The following KCNQ2 variants were observed in gnomAD, a reference collection of about 807,000 sequenced individuals.
The protein encoded by KCNQ2 is potassium voltage-gated channel subfamily Q member 2.
Under a neutral mutation model 84.8 loss-of-function variants are expected in KCNQ2, and 14 were observed. That is an observed-to-expected ratio of 0.17 (90% CI 0.11 to 0.26). KCNQ2 has a LOEUF of 0.26. Ranked by LOEUF, KCNQ2 falls within the 10% of genes least tolerant of loss-of-function variation. The pLI, the probability that KCNQ2 is intolerant of heterozygous loss-of-function variation, is 1.00. For synonymous variants in KCNQ2, 599 were observed against 554.1 expected (o/e 1.08, Z -1.14); for missense variants, 788 against 1,254.0 (o/e 0.63, Z 5.61).
At position 63,407,143 on chromosome 20, in the gene KCNQ2, G is replaced by T; in HGVS notation, c.2120C>A (p.Ala707Glu). 1 of 1,573,642 alleles carries T rather than the reference G, an allele frequency of 6.4e-7. No homozygotes were observed. The highest frequency in any genetic ancestry group is 1.3e-5 in the African/African-American group (1 of 74,238). Residue 707 changes from alanine to glutamate, a missense_variant, in exon 17 of 17, where the codon GCG (alanine) becomes GAG (glutamate). By Grantham distance (107) the Ala-to-Glu change is moderately radical. Around this residue, in one of 8 missense-constraint regions of KCNQ2, gnomAD observed 378 missense variants for 434.5 expected, o/e 0.87. Coordinates refer to ENST00000359125, the MANE Select transcript of KCNQ2 (RefSeq NM_172107.4). This position sits in a 1 kb window ranked among gnomAD's most constrained non-coding sequence, Gnocchi z 7.2. ...GQKNFSAPPA[A>E]PPVQCPPSTS... is the part of the protein sequence containing the mutation. ...GGAGGGCGGACACTGGACAGGGGGC[G>T]CGGCCGGGGGCGCCGAGAAGTTCTT...
intron 6 of KCNQ2, among the ~76,000 whole-genome samples, chr20:63,439,222 G>A (rs940863424): frequency 6.6e-6 from 1 of 152,188 alleles, no homozygotes; most frequent in Non-Finnish European, 1.5e-5. Context: ...ACCTCCCTCT[G>A]AGCTGGGTGG....
intron 8 of KCNQ2, among the ~76,000 whole-genome samples, chr20:63,432,554 C>T (rs372985404): frequency 8.9e-5 from 13 of 145,914 alleles, no homozygotes; most frequent in African/African-American, 2.6e-4. Flanking sequence ...AAGGCCCCAC[C>T]CTCAGGGAAG....
At chr20:63,461,175 G>C (rs375069499) in intron 1 of KCNQ2, 1 of 152,192 alleles carries the variant, frequency 6.6e-6, no homozygotes, top group East Asian at 1.9e-4. Context: ...TAAGAAACGA[G>C]GGCGGCAGGG....
intron 4 of KCNQ2, 144 bp downstream of exon 4, chr20:63,444,515 A>T (rs2081353205): frequency 3.7e-6 from 2 of 547,594 alleles, no homozygotes; most frequent in Non-Finnish European, 5.8e-6. Context: ...TTCACACCTG[A>T]TGGGCTCCAG....
At position 63,428,535 on chromosome 20, in the gene KCNQ2, T is replaced by A. The variant is rs1040186220; in HGVS notation, c.1149-100A>T. On this transcript the variant is annotated intron_variant, in intron 9 of 16. Transcript: ENST00000359125. ...GCTCCATGGGCAGGCGCCTGCAGTG[T>A]CAGACACCCGGCGGCATGTGACGTG... The A allele has an allele frequency of 1.8e-5, 19 of 1,027,326 alleles. No homozygotes were observed. The Admixed American group carries it at 3.8e-4, about 21-fold the overall frequency. 63.6% of individuals were successfully genotyped at this position (1,027,326 alleles called of 1,614,324 possible). A position where few individuals can be genotyped will look rare whatever the true frequency, so the allele number is the denominator to read the frequency against.
At chr20:63,409,397 G>A (rs931745365) in intron 15 of KCNQ2, among the ~76,000 whole-genome samples, 1 of 152,258 alleles carries the variant, frequency 6.6e-6, no homozygotes, top group Non-Finnish European at 1.5e-5. Flanking sequence ...CAATAAGAAG[G>A]GAGGGAGGCT....
Position 63,446,611 on chromosome 20 carries a change from C to G in KCNQ2, c.387+136G>C. The G allele has an allele frequency of 2.7e-6, 2 of 748,058 alleles. No homozygotes were observed. 46.3% of individuals were successfully genotyped at this position (748,058 alleles called of 1,614,324 possible). On this transcript the variant is annotated intron_variant, in intron 2 of 16. Transcript: ENST00000359125. The surrounding 1 kb of genome is among the most constrained non-coding windows in gnomAD (Gnocchi z 5.5). ...GGGGCTGGGGGCAGATGGGAACTGA[C>G]AGGGCACAAAGACATGGCCAGAGCT...
chr20:63,459,690 C>T (rs911866936), intron 1 of KCNQ2, among the ~76,000 whole-genome samples: 5 of 152,140 alleles, frequency 3.3e-5, no homozygotes, highest in Non-Finnish European at 5.9e-5. Flanking sequence ...CCACTCTAAA[C>T]GCCTCTGAAT....
At chr20:63,412,193 C>T (rs1021191724) in intron 15 of KCNQ2, 4 of 301,432 alleles carry the variant, frequency 1.3e-5, no homozygotes, top group Admixed American at 5.0e-5. Context: ...AGACAGGCCG[C>T]GGCGGGGCAA....
At chr20:63,412,456 G>C (rs1215232912) in intron 15 of KCNQ2, among the ~76,000 whole-genome samples, 2 of 152,240 alleles carry the variant, frequency 1.3e-5, no homozygotes, top group African/African-American at 2.4e-5. Context: ...AGGACGCTGG[G>C]AAAGAGGCCT....
Position 63,432,124 on chromosome 20 carries a change from TCAGGGAAGGATCCACCCA to T in KCNQ2, c.1119-773_1119-756del, listed in dbSNP as rs1568912742. Among the ~76,000 whole-genome samples the T allele has an allele frequency of 3.5e-4, 23 of 65,502 alleles. 1 individual carries two copies. The East Asian group carries it at 5.7e-3, about 16-fold the overall frequency. 43.0% of individuals were successfully genotyped at this position (65,502 alleles called of 152,430 possible). ...CCCACCCTCAGGGAAGGCCCCACCCTCAGGGAAGGATCCACCCACAGGGAAGGCCCCACCCTCAGGGAA... is the reference window on the plus strand; with the variant it reads ...CCCACCCTCAGGGAAGGCCCCACCCTCAGGGAAGGCCCCACCCTCAGGGAA... On this transcript the variant is annotated intron_variant, in intron 8 of 16. Coordinates refer to ENST00000359125, the MANE Select transcript of KCNQ2 (RefSeq NM_172107.4).
At chr20:63,441,391 G>A (rs544021964) in intron 5 of KCNQ2, among the ~76,000 whole-genome samples, 13 of 152,162 alleles carry the variant, frequency 8.5e-5, no homozygotes, top group Non-Finnish European at 1.3e-4. Flanking sequence ...CGCATCCGCT[G>A]CAGAGGGACC....
chr20:63,456,797 TG>T (rs969582525), intron 1 of KCNQ2, among the ~76,000 whole-genome samples: 1 of 152,170 alleles, frequency 6.6e-6, no homozygotes, highest in Non-Finnish European at 1.5e-5. Context: ...CAGGGGGTCC[TG>T]GGGGGTCCCA....
chr20:63,467,625 G>C (rs2082114766), intron 1 of KCNQ2, among the ~76,000 whole-genome samples: 1 of 152,220 alleles, frequency 6.6e-6, no homozygotes, highest in African/African-American at 2.4e-5. Context: ...GGACGTGTCA[G>C]GAGCACAGGG....
chr20:63,441,881 G>A (rs11907614), intron 5 of KCNQ2, among the ~76,000 whole-genome samples: 84,163 of 152,158 alleles, frequency 0.55, 23,560 homozygotes, highest in African/African-American at 0.63. Context: ...GGCTAGGCCC[G>A]GGGTCTGGTC....
In KCNQ2 at chr20:63,439,722, G is replaced by A. The variant is rs2081104520; in HGVS notation, c.817-14C>T. 2 of 1,591,476 alleles carry A rather than the reference G, an allele frequency of 1.3e-6. No individual in the cohort carries two copies. The highest frequency in any genetic ancestry group is 1.7e-6 in the Non-Finnish European group (2 of 1,159,898). ...GGTCAGCGTGATCTGTGGGACCGCA[G>A]GCTCTAGTCACACGAAGGGCCTGCT... is the stretch of plus-strand genomic sequence containing the variant. On this transcript the variant is annotated splice_polypyrimidine_tract_variant and intron_variant, in intron 5 of 16. Transcript: ENST00000359125.
Position 63,406,348 on chromosome 20 carries a change from C to T in KCNQ2, c.*296G>A, listed in dbSNP as rs1323866017. ...TCATCACTCCCGCCCCTCCTCACAC[C>T]GGGCTGATGTCGGCCGCGGCCCTGA... On this transcript the variant is annotated 3_prime_UTR_variant, in exon 17 of 17. Coordinates refer to ENST00000359125, the MANE Select transcript of KCNQ2 (RefSeq NM_172107.4). The T allele has an allele frequency of 2.4e-5, 10 of 408,584 alleles. No individual in the cohort carries two copies. The highest frequency in any genetic ancestry group is 1.0e-4 in the African/African-American group (5 of 49,850). The allele number at this position is 408,584 out of a possible 1,614,324, so 25.3% of individuals were successfully genotyped here.
At chr20:63,432,826 T>TCAGGGAAGG (rs2080865969) in intron 8 of KCNQ2, among the ~76,000 whole-genome samples, 1 of 115,196 alleles carries the variant, frequency 8.7e-6, no homozygotes, top group African/African-American at 3.0e-5. Context: ...GGCTCCACCC[T>TCAGGGAAGG]CTGGGAAGGC....
chr20:63,463,810 G>A (rs1382205181), intron 1 of KCNQ2: 2 of 152,180 alleles, frequency 1.3e-5, no homozygotes, highest in African/African-American at 2.4e-5. Flanking sequence ...AGGATGAGGC[G>A]GGGGCAGACA....
Sources: allele counts gnomAD v4.1 joint callset (sites outside exome capture counted in the v4.1 genomes callset), GRCh38; gene constraint gnomAD v4.1.1; regional missense constraint gnomAD v4.1.1; non-coding constraint Gnocchi (gnomAD v3.1); transcripts MANE v1.5; gene names NCBI Gene and HGNC (gene_info 2026-07-23, HGNC 2026-07-21).